EXT1: variants seen among roughly 807,000 people sequenced by gnomAD.
EXT1 encodes exostosin-1.
EXT1 carries 20 observed loss-of-function variants against 82.5 expected under a neutral mutation model. That is an observed-to-expected ratio of 0.24 (90% CI 0.17 to 0.35). EXT1 has a LOEUF of 0.35. EXT1 is among the 10% of genes least tolerant of loss of function. EXT1 has a pLI of 1.00. For synonymous variants in EXT1, 348 were observed against 350.8 expected (o/e 0.99, Z 0.09); for missense variants, 757 against 936.5 (o/e 0.81, Z 2.50).
intron 1 of EXT1, among the ~76,000 whole-genome samples, chr8:118,003,280 A>G (rs563785806): frequency 2.3e-4 from 35 of 152,230 alleles, no homozygotes; most frequent in African/African-American, 8.2e-4. Flanking sequence ...GAGGAATAAA[A>G]GACTACACAT....
At chr8:117,925,846 C>T (rs1813943953) in intron 1 of EXT1, among the ~76,000 whole-genome samples, 1 of 152,048 alleles carries the variant, frequency 6.6e-6, no homozygotes, top group South Asian at 2.1e-4. Context: ...TGCGGTGAAC[C>T]AAGATTGTGC....
chr8:118,097,339 C>T (rs558094346), intron 1 of EXT1, among the ~76,000 whole-genome samples: 90 of 152,124 alleles, frequency 5.9e-4, no homozygotes, highest in Admixed American at 1.4e-3. Context: ...TCCAGCTACT[C>T]GGGAGGCTGA....
At chr8:118,104,776 C>G (rs1353577143) in intron 1 of EXT1, among the ~76,000 whole-genome samples, 1 of 152,092 alleles carries the variant, frequency 6.6e-6, no homozygotes, top group Non-Finnish European at 1.5e-5. Context: ...GCATTTTGGA[C>G]CTTTGGATTA....
chr8:118,059,879 C>T (rs1214600917), intron 1 of EXT1, among the ~76,000 whole-genome samples: 2 of 152,202 alleles, frequency 1.3e-5, no homozygotes, highest in Non-Finnish European at 2.9e-5. Context: ...ATAGCCTCTG[C>T]GTATACTAGT....
intron 1 of EXT1, among the ~76,000 whole-genome samples, chr8:117,960,808 T>C (rs1213135988): frequency 6.6e-6 from 1 of 152,160 alleles, no homozygotes; most frequent in East Asian, 1.9e-4. Flanking sequence ...ACTTCCTACT[T>C]ATGAGAAGCC....
chr8:117,936,226 T>C (rs977073384), intron 1 of EXT1, among the ~76,000 whole-genome samples: 2 of 152,196 alleles, frequency 1.3e-5, no homozygotes, highest in Non-Finnish European at 2.9e-5. Flanking sequence ...CTGCCTGTCT[T>C]CTGAGCAGAT....
At chr8:117,883,117 G>A (rs1299437231) in intron 1 of EXT1, among the ~76,000 whole-genome samples, 2 of 151,926 alleles carry the variant, frequency 1.3e-5, no homozygotes, top group African/African-American at 4.8e-5. Flanking sequence ...AATTATGTTC[G>A]AATACTAATG....
intron 1 of EXT1, among the ~76,000 whole-genome samples, chr8:118,034,693 GGTCTACAA>G (rs1293144291): frequency 3.3e-5 from 5 of 152,152 alleles, no homozygotes; most frequent in African/African-American, 4.8e-5. Context: ...TTCCTGATAT[GGTCTACAA>G]GTCTAGGCTG....
intron 1 of EXT1, among the ~76,000 whole-genome samples, chr8:117,891,045 C>T (rs1586267151): frequency 6.6e-6 from 1 of 152,316 alleles, no homozygotes; most frequent in East Asian, 1.9e-4. Context: ...TACCAAGTTT[C>T]TCAGGGGATT....
At chr8:117,867,328 T>C (rs1166990799) in intron 1 of EXT1, among the ~76,000 whole-genome samples, 1 of 149,346 alleles carries the variant, frequency 6.7e-6, no homozygotes, top group Non-Finnish European at 1.5e-5. Flanking sequence ...GCTATTTAAA[T>C]GTAAAATCAC....
At chr8:118,095,464 T>C (rs1391530340) in intron 1 of EXT1, among the ~76,000 whole-genome samples, 3 of 152,232 alleles carry the variant, frequency 2.0e-5, no homozygotes, top group Admixed American at 6.5e-5. Flanking sequence ...GTTTGCAACA[T>C]TGCACTTGCA....
rs77597840 is a variant in EXT1, at chr8:118,092,294, T to C, written c.962+17791A>G. ...CCAGAATATACCATATCTTACCTTC[T>C]ATTTGGGATCTAGAATTTCTAGACT... On this transcript the variant is annotated intron_variant, in intron 1 of 10. Transcript: ENST00000378204. 2.9e-3 allele frequency among the ~76,000 whole-genome samples: 439 copies of C among 152,314 alleles called. 3 individuals are homozygous for C. The highest frequency in any genetic ancestry group is 9.7e-3 in the African/African-American group (405 of 41,568).
chr8:118,034,788 G>C (rs1816389610), intron 1 of EXT1, among the ~76,000 whole-genome samples: 1 of 152,216 alleles, frequency 6.6e-6, no homozygotes, highest in Admixed American at 6.5e-5. Context: ...CCTCACCACA[G>C]TCTTCAGAGG....
At chr8:118,065,773 A>T (rs2129952401) in intron 1 of EXT1, among the ~76,000 whole-genome samples, 1 of 152,390 alleles carries the variant, frequency 6.6e-6, no homozygotes, top group African/African-American at 2.4e-5. Context: ...GGGAAAAGTT[A>T]GGAATGTAAT....
chr8:118,104,566 C>T (rs185518041), intron 1 of EXT1, among the ~76,000 whole-genome samples: 11 of 152,276 alleles, frequency 7.2e-5, no homozygotes, highest in Non-Finnish European at 1.0e-4. Context: ...TCAGAAAATA[C>T]CTTGTTTCAA....
In EXT1 at chr8:117,949,545, A is replaced by G. The variant is rs1758703084; in HGVS notation, c.963-112344T>C. 1.3e-5 allele frequency among the ~76,000 whole-genome samples: 2 copies of G among 149,784 alleles called. 1 individual carries two copies. Among genetic ancestry groups the G allele is most frequent in the South Asian group, 4.2e-4 (2 of 4,804 alleles). ...AATATAATATATATACGTATTATAT[A>G]TCATATTTGTGCAAACATTTGGAAG... On this transcript the variant is annotated intron_variant, in intron 1 of 10. Coordinates refer to ENST00000378204, the MANE Select transcript of EXT1 (RefSeq NM_000127.3).
chr8:117,814,247 G>GTGTGTGTGTT (rs1811752202), intron 7 of EXT1, among the ~76,000 whole-genome samples: 1 of 151,750 alleles, frequency 6.6e-6, no homozygotes, highest in Non-Finnish European at 1.5e-5. Flanking sequence ...GTGTGTGTGT[G>GTGTGTGTGTT]TGTGTGTGTG....
intron 1 of EXT1, among the ~76,000 whole-genome samples, chr8:117,917,511 C>T (rs965421595): frequency 6.6e-6 from 1 of 152,166 alleles, no homozygotes; most frequent in Non-Finnish European, 1.5e-5. Context: ...CCTAACACGT[C>T]TGCTCCTTTA....
Position 117,867,364 on chromosome 8 carries a change from G to T in EXT1, c.963-30163C>A, listed in dbSNP as rs146217887. Among the ~76,000 whole-genome samples, 8 of 152,154 alleles carry T rather than the reference G, an allele frequency of 5.3e-5. No individual in the cohort carries two copies. In the East Asian group the frequency reaches 1.3e-3, roughly 26 times the overall value. On this transcript the variant is annotated intron_variant, in intron 1 of 10. Transcript: ENST00000378204. Reference sequence around the variant, plus strand: ...TCCTGCTAGAGGTAGTGGTGGGAGTGGGGAGAGATGAAAGAATGGGGTGGG... The same window carrying T: ...TCCTGCTAGAGGTAGTGGTGGGAGTTGGGAGAGATGAAAGAATGGGGTGGG...
Sources: gnomAD v4.1 joint callset for allele counts (sites outside exome capture counted in the v4.1 genomes callset) on GRCh38, gnomAD v4.1.1 for gene constraint, MANE v1.5 for transcripts, NCBI Gene and HGNC (gene_info 2026-07-23, HGNC 2026-07-21) for gene names.